CNTNAP2: variants seen among roughly 807,000 people sequenced by gnomAD.
The protein encoded by CNTNAP2 is contactin associated protein 2.
A neutral mutation model predicts 155.2 loss-of-function variants in CNTNAP2; 98 were observed. The observed-to-expected ratio is 0.63, with a 90% CI of 0.54 to 0.75. The LOEUF is 0.75. Ranked by LOEUF, CNTNAP2 falls within the 30% of genes least tolerant of loss-of-function variation. CNTNAP2 has a pLI of 0.00. For synonymous variants in CNTNAP2, 651 were observed against 631.2 expected (o/e 1.03, Z -0.47); for missense variants, 1,727 against 1,688.1 (o/e 1.02, Z -0.40).
chr7:147,606,632 G>A (rs1395633441), intron 12 of CNTNAP2, among the ~76,000 whole-genome samples: 1 of 152,182 alleles, frequency 6.6e-6, no homozygotes, highest in Non-Finnish European at 1.5e-5. Flanking sequence ...ATTAAACAGT[G>A]AAAATGGCAC....
chr7:147,609,407 T>C (rs1181765643), intron 12 of CNTNAP2, among the ~76,000 whole-genome samples: 2 of 152,116 alleles, frequency 1.3e-5, no homozygotes, highest in East Asian at 1.9e-4. Context: ...GGCGGGTGCC[T>C]GTAGTCCCAG....
rs375771895 is a variant in CNTNAP2, at chr7:146,719,937, A to G, written c.98-54334A>G. ...TTACATTGCAGAAAGACCTGCAGAG[A>G]CCCAAATGTTGAAGCATTGAAAGAG... On this transcript the variant is annotated intron_variant, in intron 1 of 23. Coordinates refer to ENST00000361727, the MANE Select transcript of CNTNAP2 (RefSeq NM_014141.6). Among the ~76,000 whole-genome samples, 163 of 152,252 alleles carry G rather than the reference A, an allele frequency of 1.1e-3. 3 individuals carry two copies. In the East Asian group the frequency reaches 0.023, roughly 21 times the overall value.
At chr7:147,879,805 G>A (rs1245498281) in intron 13 of CNTNAP2, among the ~76,000 whole-genome samples, 1 of 152,202 alleles carries the variant, frequency 6.6e-6, no homozygotes, top group Non-Finnish European at 1.5e-5. Flanking sequence ...TACAGCCTCT[G>A]TGGTGGCCAT....
At chr7:146,446,607 T>G (rs1796406399) in intron 1 of CNTNAP2, among the ~76,000 whole-genome samples, 1 of 151,980 alleles carries the variant, frequency 6.6e-6, no homozygotes, top group African/African-American at 2.4e-5. Flanking sequence ...ACAAAACATG[T>G]GAGACATTGA....
At chr7:147,743,585 G>A (rs1001586404) in intron 13 of CNTNAP2, among the ~76,000 whole-genome samples, 3 of 152,220 alleles carry the variant, frequency 2.0e-5, no homozygotes, top group Middle Eastern at 3.4e-3. Flanking sequence ...GTCCAGTCAC[G>A]CTCTGGTAAT....
At chr7:146,896,558 A>G (rs988097117) in intron 3 of CNTNAP2, among the ~76,000 whole-genome samples, 6 of 152,124 alleles carry the variant, frequency 3.9e-5, no homozygotes, top group African/African-American at 1.2e-4. Flanking sequence ...AATAGAATCA[A>G]TACAATTTTG....
At chr7:146,945,048 C>T (rs1404465544) in intron 3 of CNTNAP2, among the ~76,000 whole-genome samples, 1 of 152,072 alleles carries the variant, frequency 6.6e-6, no homozygotes, top group Non-Finnish European at 1.5e-5. Flanking sequence ...ATACTCAGTG[C>T]ACGTGATAAT....
At chr7:146,622,142 TAC>T (rs1445937560) in intron 1 of CNTNAP2, among the ~76,000 whole-genome samples, 2 of 114,172 alleles carry the variant, frequency 1.8e-5, no homozygotes, top group African/African-American at 3.6e-5. Flanking sequence ...TATATATATA[TAC>T]ACACACGTAT....
intron 1 of CNTNAP2, among the ~76,000 whole-genome samples, chr7:146,674,608 T>G (rs1288519919): frequency 6.6e-6 from 1 of 152,108 alleles, no homozygotes; most frequent in African/African-American, 2.4e-5. Flanking sequence ...AATATTTATT[T>G]GATGTGTAGG....
intron 17 of CNTNAP2, among the ~76,000 whole-genome samples, chr7:148,171,098 A>G (rs1429513482): frequency 6.6e-6 from 1 of 152,168 alleles, no homozygotes; most frequent in Non-Finnish European, 1.5e-5. Flanking sequence ...CCTTGAGTAA[A>G]CTTCTTAACT....
chr7:147,543,178 C>T (rs1799669413), intron 11 of CNTNAP2, among the ~76,000 whole-genome samples: 1 of 152,128 alleles, frequency 6.6e-6, no homozygotes, highest in African/African-American at 2.4e-5. Flanking sequence ...TAAAAGTATC[C>T]CTCATGGGAA....
intron 16 of CNTNAP2, among the ~76,000 whole-genome samples, chr7:148,134,617 T>G (rs75943216): frequency 6.6e-6 from 1 of 152,212 alleles, no homozygotes; most frequent in Middle Eastern, 3.2e-3. Context: ...CCCTCTAATT[T>G]TCTGTATTTA....
At chr7:147,895,105 C>A (rs1196797136) in intron 13 of CNTNAP2, among the ~76,000 whole-genome samples, 1 of 150,988 alleles carries the variant, frequency 6.6e-6, no homozygotes, top group Non-Finnish European at 1.5e-5. Context: ...TCCTGAGTAG[C>A]TGGGATTACA....
At chr7:146,383,907 T>C (rs1364418245) in intron 1 of CNTNAP2, among the ~76,000 whole-genome samples, 2 of 152,168 alleles carry the variant, frequency 1.3e-5, no homozygotes, top group African/African-American at 4.8e-5. Context: ...AGGTTTTTGA[T>C]AGCATAATAA....
At chr7:146,701,115 GA>G (rs973721894) in intron 1 of CNTNAP2, among the ~76,000 whole-genome samples, 2 of 151,966 alleles carry the variant, frequency 1.3e-5, no homozygotes, top group African/African-American at 4.8e-5. Flanking sequence ...TCCTTTAGTA[GA>G]AAAAATAAAT....
rs1266451853 is a variant in CNTNAP2, at chr7:148,172,459, T to C, written c.2991T>C (p.Asp997=). 1.9e-6 allele frequency: 3 copies of C among 1,614,194 alleles called. No homozygotes were observed. The highest frequency in any genetic ancestry group is 4.5e-5 in the East Asian group (2 of 44,886). The change falls in exon 18 of 24, where the codon GAT becomes GAC. Residue 997 remains aspartate, a synonymous_variant. Coordinates refer to ENST00000361727, the MANE Select transcript of CNTNAP2 (RefSeq NM_014141.6). The part of the protein sequence containing the change: ...YSCDCSNTAY[D]GTFCNKDVGA... ...GCGATTGCTCTAATACTGCATATGA[T>C]GGAACATTTTGCAACAAAGGTAAGG...
chr7:146,441,537 C>T (rs1796320993), intron 1 of CNTNAP2, among the ~76,000 whole-genome samples: 1 of 151,464 alleles, frequency 6.6e-6, no homozygotes, highest in Non-Finnish European at 1.5e-5. Context: ...TCTCTGGTTT[C>T]CATCCATGGA....
chr7:146,549,935 T>A (rs1420665498), intron 1 of CNTNAP2, among the ~76,000 whole-genome samples: 1 of 152,094 alleles, frequency 6.6e-6, no homozygotes, highest in Non-Finnish European at 1.5e-5. Context: ...GACCTTAGTG[T>A]TGTGCTATTG....
At chr7:147,894,025 A>C (rs958362257) in intron 13 of CNTNAP2, 2 of 152,224 alleles carry the variant, frequency 1.3e-5, no homozygotes, top group Admixed American at 6.5e-5. Context: ...CAGCTATCAG[A>C]TGATTTGGAG....
Sources: gnomAD v4.1 joint callset for allele counts (sites outside exome capture counted in the v4.1 genomes callset) on GRCh38, gnomAD v4.1.1 for gene constraint, MANE v1.5 for transcripts, NCBI Gene and HGNC (gene_info 2026-07-23, HGNC 2026-07-21) for gene names.